PHACTR1: variants seen among roughly 807,000 people sequenced by gnomAD.
PHACTR1 encodes RPEL repeat containing 1.
In PHACTR1, 16 loss-of-function variants were observed where a neutral mutation model predicts 69.2. The ratio of observed to expected loss-of-function variants is 0.23; its 90% confidence interval spans 0.16 to 0.35. The LOEUF (loss-of-function observed/expected upper bound fraction) is 0.35. Among genes scored for constraint, PHACTR1 ranks in the 10% least tolerant of loss-of-function variants. The probability of loss-of-function intolerance (pLI) is 1.00; values close to 1 mark genes in which losing one functional copy is unlikely to be tolerated. For missense variants in PHACTR1, 510 were observed against 734.7 expected (o/e 0.69, Z 3.54); for synonymous variants, 312 against 284.5 (o/e 1.10, Z -0.97).
chr6:13,196,506 C>A (rs560817938), intron 7 of PHACTR1: 10 of 176,228 alleles, frequency 5.7e-5, no homozygotes, highest in African/African-American at 2.2e-4. Context: ...CTGCAACCTC[C>A]GCTTCCCAGG....
At chr6:13,207,337 G>T (rs932241962) in intron 8 of PHACTR1, among the ~76,000 whole-genome samples, 1 of 152,172 alleles carries the variant, frequency 6.6e-6, no homozygotes, top group African/African-American at 2.4e-5. Context: ...AGGTGGGAAG[G>T]TATACCCTGT....
intron 5 of PHACTR1, among the ~76,000 whole-genome samples, chr6:13,070,885 G>T (rs527927057): frequency 6.6e-6 from 1 of 151,870 alleles, no homozygotes; most frequent in Non-Finnish European, 1.5e-5. Flanking sequence ...TGTTGATGGT[G>T]ATTTCTTTGT....
intron 4 of PHACTR1, among the ~76,000 whole-genome samples, chr6:12,812,805 A>T (rs1775174301): frequency 6.6e-6 from 1 of 152,224 alleles, no homozygotes; most frequent in Admixed American, 6.5e-5. Flanking sequence ...GACTTATTAC[A>T]GAAATTCCCG....
intron 4 of PHACTR1, among the ~76,000 whole-genome samples, chr6:13,000,194 T>C (rs1432963338): frequency 2.6e-5 from 4 of 152,050 alleles, no homozygotes; most frequent in Non-Finnish European, 4.4e-5. Context: ...CAAGGCATGG[T>C]GTTGTTGAGG....
In PHACTR1 at chr6:13,230,126, A is replaced by G; in HGVS notation, c.1324A>G (p.Ile442Val). 2.5e-6 allele frequency: 4 copies of G among 1,611,814 alleles called. No individual in the cohort carries two copies. Among genetic ancestry groups the G allele is most frequent in the Non-Finnish European group, 3.4e-6 (4 of 1,179,134 alleles). The change falls in exon 10 of 15, where the codon ATC (isoleucine) becomes GTC (valine). Residue 442 changes from isoleucine to valine, a missense_variant. Transcript: ENST00000332995. ...CAAGCGAGAGCTGGAAGAAAAGAAC[A>G]TCCTTCCCAGGCAGACGGATGAGGA... ...PSKRELEEKN[I>V]LPRQTDEERL...
chr6:12,933,944 G>A, intron 4 of PHACTR1: 1 of 1,597,276 alleles, frequency 6.3e-7, no homozygotes, highest in South Asian at 1.1e-5. Context: ...GGGTTGGCGT[G>A]TGTATTCATT....
chr6:12,822,178 A>G (rs1479311845), intron 4 of PHACTR1, among the ~76,000 whole-genome samples: 2 of 152,204 alleles, frequency 1.3e-5, no homozygotes, highest in Non-Finnish European at 2.9e-5. Flanking sequence ...TTTTGGAGTC[A>G]CTGGACTCCT....
chr6:12,951,935 G>A, intron 4 of PHACTR1, among the ~76,000 whole-genome samples: 1 of 152,122 alleles, frequency 6.6e-6, no homozygotes, highest in Non-Finnish European at 1.5e-5. Flanking sequence ...GTGGCATTAT[G>A]GAAACAAAAC....
chr6:12,882,500 C>T (rs55908560), intron 4 of PHACTR1, among the ~76,000 whole-genome samples: 10,960 of 152,146 alleles, frequency 0.072, 467 homozygotes, highest in Admixed American at 0.11. Context: ...AGAAGAATGC[C>T]AACTAATGCC....
chr6:13,252,872 C>A, intron 10 of PHACTR1: 3 of 288,636 alleles, frequency 1.0e-5, no homozygotes, highest in Non-Finnish European at 2.2e-5. Context: ...TTATAGAAAA[C>A]TTAGCAAAAT....
At chr6:13,206,872 T>C (rs9473686) in intron 8 of PHACTR1, among the ~76,000 whole-genome samples, 8,933 of 152,154 alleles carry the variant, frequency 0.059, 849 homozygotes, top group African/African-American at 0.2. Flanking sequence ...AGAAAACCCA[T>C]GCAGTCGTGG....
chr6:13,121,618 G>A (rs966463742), intron 5 of PHACTR1, among the ~76,000 whole-genome samples: 6 of 152,142 alleles, frequency 3.9e-5, no homozygotes, highest in Admixed American at 3.9e-4. Flanking sequence ...TATTCTATAA[G>A]CAACGGAGAG....
intron 4 of PHACTR1, among the ~76,000 whole-genome samples, chr6:13,029,698 G>A (rs1802187976): frequency 6.6e-6 from 1 of 152,104 alleles, no homozygotes; most frequent in African/African-American, 2.4e-5. Flanking sequence ...GTCTGTAAAG[G>A]GTCAGATAGT....
At position 13,163,729 on chromosome 6, in the gene PHACTR1, G is replaced by C. The variant is rs535212396; in HGVS notation, c.496+3445G>C. On this transcript the variant is annotated intron_variant, in intron 6 of 14. Transcript: ENST00000332995. ...CAGTTTCAATTCTAGTTCCACTGTT[G>C]ACTAGCTGTGCAACTTTAGTCAAGT... Among the ~76,000 whole-genome samples, 3 of 152,242 alleles carry C rather than the reference G, an allele frequency of 2.0e-5. No individual in the cohort carries two copies. The South Asian group carries it at 6.2e-4, about 32-fold the overall frequency.
At chr6:13,208,418 T>A (rs1766257211) in intron 8 of PHACTR1, among the ~76,000 whole-genome samples, 2 of 152,250 alleles carry the variant, frequency 1.3e-5, no homozygotes, top group Admixed American at 6.5e-5. Flanking sequence ...TATTATATTT[T>A]ACAAAAGCAT....
At chr6:12,826,841 T>C (rs1197760756) in intron 4 of PHACTR1, among the ~76,000 whole-genome samples, 2 of 152,210 alleles carry the variant, frequency 1.3e-5, no homozygotes, top group African/African-American at 4.8e-5. Flanking sequence ...ATGGGCATGC[T>C]TTGTTCAATG....
At chr6:12,931,263 G>T (rs1788839523) in intron 4 of PHACTR1, among the ~76,000 whole-genome samples, 1 of 147,750 alleles carries the variant, frequency 6.8e-6, no homozygotes, top group Non-Finnish European at 1.5e-5. Context: ...GAAGTTTGGG[G>T]AAGTATCTTT....
At chr6:12,774,082 C>G (rs1769731727) in intron 4 of PHACTR1, among the ~76,000 whole-genome samples, 1 of 152,132 alleles carries the variant, frequency 6.6e-6, no homozygotes, top group Non-Finnish European at 1.5e-5. Context: ...TGGAAGGTCA[C>G]AGAGTTAATA....
intron 3 of PHACTR1, among the ~76,000 whole-genome samples, chr6:12,725,671 C>G (rs1259427381): frequency 6.6e-6 from 1 of 152,158 alleles, no homozygotes; most frequent in African/African-American, 2.4e-5. Flanking sequence ...AGTACCTTGT[C>G]TATTGTTATT....
Sources: allele counts gnomAD v4.1 joint callset (sites outside exome capture counted in the v4.1 genomes callset), GRCh38; gene constraint gnomAD v4.1.1; transcripts MANE v1.5; gene names NCBI Gene and HGNC (gene_info 2026-07-23, HGNC 2026-07-21).